SSH1: variants seen among roughly 807,000 people sequenced by gnomAD.
The protein encoded by SSH1 is slingshot protein phosphatase 1.
In SSH1, 43 loss-of-function variants were observed where a neutral mutation model predicts 79.7. The ratio of observed to expected loss-of-function variants is 0.54; its 90% confidence interval spans 0.42 to 0.70. The LOEUF (loss-of-function observed/expected upper bound fraction) is 0.70, where lower values mean the gene tolerates loss of function less well. Ranked by LOEUF, SSH1 falls within the 30% of genes least tolerant of loss-of-function variation. The probability of loss-of-function intolerance (pLI) is 0.00; values close to 1 mark genes in which losing one functional copy is unlikely to be tolerated. For synonymous variants in SSH1, 599 were observed against 538.3 expected, an observed-to-expected ratio of 1.11 and a Z score of -1.56; for missense variants, 1,206 against 1,358.8, an observed-to-expected ratio of 0.89 and a Z score of 1.77.
chr12:108,855,811 G>A (rs2039132484), intron 1 of SSH1, among the ~76,000 whole-genome samples: 1 of 152,108 alleles, frequency 6.6e-6, no homozygotes, highest in South Asian at 2.1e-4. Flanking sequence ...GCGTGTAGAG[G>A]GGGATTACTA....
At chr12:108,856,556 C>T (rs777168757) in intron 1 of SSH1, among the ~76,000 whole-genome samples, 1 of 152,234 alleles carries the variant, frequency 6.6e-6, no homozygotes, top group African/African-American at 2.4e-5. Context: ...AAAAGCCAGA[C>T]TAAGGCTGCA....
intron 2 of SSH1, among the ~76,000 whole-genome samples, chr12:108,835,023 G>A (rs2038565679): frequency 1.3e-5 from 2 of 152,128 alleles, no homozygotes; most frequent in Admixed American, 1.3e-4. Flanking sequence ...GCCACCTGGA[G>A]GTCAGGTCAG....
chr12:108,803,633 G>GAACC (rs1362857336), intron 10 of SSH1, among the ~76,000 whole-genome samples: 1 of 152,134 alleles, frequency 6.6e-6, no homozygotes. Flanking sequence ...ATAAAGCACT[G>GAACC]AACCACACTA....
rs961872200 is a variant in SSH1 at position 108,843,724 on chromosome 12, A to G, written c.110+8914T>C. On this transcript the variant is annotated intron_variant, in intron 2 of 14. Coordinates refer to ENST00000326495, the MANE Select transcript of SSH1 (RefSeq NM_018984.4). ...TAATTTTTGTATTTTTAGCAGAGAC[A>G]GGGTTTCACCATGTTGCCCAGGATG... Among the ~76,000 whole-genome samples the G allele has an allele frequency of 3.3e-5, 5 of 152,108 alleles. No individual in the cohort carries two copies. In the South Asian group the frequency reaches 6.2e-4, roughly 19 times the overall value.
Position 108,823,253 on chromosome 12 carries a change from C to T in SSH1, c.214+5G>A, listed in dbSNP as rs770627681. 1 of 1,573,868 alleles carries T rather than the reference C, an allele frequency of 6.4e-7. No homozygotes were observed. The highest frequency in any genetic ancestry group is 8.6e-7 in the Non-Finnish European group (1 of 1,158,078). Reference sequence around the variant, plus strand: ...AATGTAAGAGTATCAACTTAGAGCCCTCACCTGCATGCTTGTGGGGGTGCT... The same window carrying T: ...AATGTAAGAGTATCAACTTAGAGCCTTCACCTGCATGCTTGTGGGGGTGCT... On this transcript the variant is annotated splice_donor_5th_base_variant and intron_variant, in intron 3 of 14. Coordinates refer to ENST00000326495, the MANE Select transcript of SSH1 (RefSeq NM_018984.4).
At chr12:108,830,320 C>T (rs577080272) in intron 2 of SSH1, among the ~76,000 whole-genome samples, 5 of 152,084 alleles carry the variant, frequency 3.3e-5, no homozygotes, top group South Asian at 2.1e-4. Context: ...AGCGTGGTGA[C>T]GCACACTTGT....
chr12:108,795,722 T>C (rs1593017450), intron 13 of SSH1, among the ~76,000 whole-genome samples: 1 of 151,876 alleles, frequency 6.6e-6, no homozygotes, highest in South Asian at 2.1e-4. Flanking sequence ...TAACCGGGTA[T>C]TGTGGTGCGC....
At chr12:108,843,922 A>G (rs1039109421) in intron 2 of SSH1, among the ~76,000 whole-genome samples, 5 of 152,150 alleles carry the variant, frequency 3.3e-5, no homozygotes, top group East Asian at 1.9e-4. Flanking sequence ...ATTACAGGAA[A>G]TATTTCTGTA....
At chr12:108,790,656 T>A (rs2036464831) in intron 14 of SSH1, among the ~76,000 whole-genome samples, 1 of 152,180 alleles carries the variant, frequency 6.6e-6, no homozygotes, top group Non-Finnish European at 1.5e-5. Flanking sequence ...AATCCATAAT[T>A]AGTATTTGAT....
intron 5 of SSH1, 109 bp from the exon 6 acceptor site, chr12:108,811,437 A>T (rs1470924199): frequency 1.1e-6 from 1 of 946,108 alleles, no homozygotes; most frequent in Non-Finnish European, 1.7e-6. Context: ...TACGTGTGGG[A>T]GTAGGCTGTC....
intron 1 of SSH1, among the ~76,000 whole-genome samples, chr12:108,854,769 G>C (rs1372500366): frequency 2.6e-5 from 4 of 152,198 alleles, no homozygotes; most frequent in Non-Finnish European, 5.9e-5. Context: ...ACATGAAAGA[G>C]GTAATTCAGT....
chr12:108,829,952 TA>T (rs1566009415), intron 2 of SSH1, among the ~76,000 whole-genome samples: 2 of 151,926 alleles, frequency 1.3e-5, no homozygotes, highest in East Asian at 3.9e-4. Flanking sequence ...AAAATAAAAA[TA>T]AAATTAGCTA....
chr12:108,854,824 G>T (rs2039112114), intron 1 of SSH1, among the ~76,000 whole-genome samples: 1 of 152,182 alleles, frequency 6.6e-6, no homozygotes. Context: ...CAACTCAAGC[G>T]AGGGCGGACC....
chr12:108,792,394 G>C lies in SSH1; in HGVS notation c.1785C>G (p.Gly595=), dbSNP rs1339335122. The C allele has an allele frequency of 1.2e-6, 2 of 1,614,016 alleles. No individual in the cohort carries two copies. Among genetic ancestry groups the C allele is most frequent in the African/African-American group, 2.7e-5 (2 of 74,906 alleles). ...LQVEETEREE[G]LGAGRWGQLP... ...GCTGCCCCCACCTCCCTGCTCCCAG[G>C]CCCTCCTCCCTTTCCGTCTCCTCCA... is the stretch of plus-strand genomic sequence containing the variant. The change falls in exon 14 of 15, where the codon GGC becomes GGG. Residue 595 remains glycine (G), a synonymous_variant. Coordinates refer to ENST00000326495, the MANE Select transcript of SSH1 (RefSeq NM_018984.4).
intron 5 of SSH1, among the ~76,000 whole-genome samples, chr12:108,816,710 C>T (rs1023585640): frequency 1.3e-5 from 2 of 152,218 alleles, no homozygotes; most frequent in Non-Finnish European, 2.9e-5. Context: ...CTTCTGGGTT[C>T]GGCGTTGTTG....
At chr12:108,827,300 G>A (rs1274912219) in intron 2 of SSH1, 7 of 1,551,216 alleles carry the variant, frequency 4.5e-6, no homozygotes, top group Non-Finnish European at 6.1e-6. Context: ...CAGAAGCAGT[G>A]GGTTGGCTGA....
In SSH1 at chr12:108,784,506, G is replaced by C. The variant is rs967197675; in HGVS notation, c.*3482C>G. ...AGGTTGGCTGGGGTCCCTGCATGGA[G>C]AGCAAGGAAGCAGGGAATGTAAAGA... is the stretch of plus-strand genomic sequence containing the variant. On this transcript the variant is annotated 3_prime_UTR_variant, in exon 15 of 15. Coordinates refer to ENST00000326495, the MANE Select transcript of SSH1 (RefSeq NM_018984.4). 4.6e-5 allele frequency: 7 copies of C among 152,262 alleles called. No homozygotes were observed. The highest frequency in any genetic ancestry group is 1.7e-4 in the African/African-American group (7 of 41,468). The allele number at this position is 152,262 out of a possible 1,614,324, so 9.4% of individuals were successfully genotyped here.
chr12:108,825,165 T>G (rs528568018), intron 2 of SSH1, among the ~76,000 whole-genome samples: 5 of 152,322 alleles, frequency 3.3e-5, no homozygotes, highest in Admixed American at 3.3e-4. Flanking sequence ...CCAATGAACA[T>G]ATACATGATT....
intron 2 of SSH1, among the ~76,000 whole-genome samples, chr12:108,844,927 G>A (rs969331065): frequency 1.3e-5 from 2 of 152,048 alleles, no homozygotes; most frequent in Non-Finnish European, 2.9e-5. Flanking sequence ...TGACCAATAC[G>A]GTGAAACCCC....
Sources: gnomAD v4.1 joint callset for allele counts (sites outside exome capture counted in the v4.1 genomes callset) on GRCh38, gnomAD v4.1.1 for gene constraint, MANE v1.5 for transcripts, NCBI Gene and HGNC (gene_info 2026-07-23, HGNC 2026-07-21) for gene names.